ZBTB20: variants seen among roughly 807,000 people sequenced by gnomAD.
The protein encoded by ZBTB20 is zinc finger and BTB domain containing 20.
In ZBTB20, 9 loss-of-function variants were observed where a neutral mutation model predicts 56.9. That is an observed-to-expected ratio of 0.16 (90% CI 0.10 to 0.28). ZBTB20 has a LOEUF of 0.28. ZBTB20 is among the 10% of genes least tolerant of loss of function. The pLI is 1.00. For missense variants in ZBTB20, 655 were observed against 1,003.0 expected, an observed-to-expected ratio of 0.65 and a Z score of 4.69; for synonymous variants, 417 against 420.7, an observed-to-expected ratio of 0.99 and a Z score of 0.11.
At chr3:114,561,704 T>C (rs1004028024) in intron 6 of ZBTB20, among the ~76,000 whole-genome samples, 12 of 152,024 alleles carry the variant, frequency 7.9e-5, no homozygotes, top group African/African-American at 1.9e-4. Flanking sequence ...GCAGGGTAGA[T>C]TTAACATAAT....
chr3:114,975,871 C>A (rs902113566), intron 2 of ZBTB20, among the ~76,000 whole-genome samples: 1 of 152,148 alleles, frequency 6.6e-6, no homozygotes, highest in African/African-American at 2.4e-5. Flanking sequence ...AACATAAGGG[C>A]AGGCACTTTC....
At chr3:114,771,364 A>G (rs906636900) in intron 5 of ZBTB20, among the ~76,000 whole-genome samples, 1 of 152,200 alleles carries the variant, frequency 6.6e-6, no homozygotes, top group Non-Finnish European at 1.5e-5. Flanking sequence ...AAATAACTAA[A>G]AACTGACTTA....
intron 2 of ZBTB20, among the ~76,000 whole-genome samples, chr3:115,031,381 G>A (rs1169361928): frequency 6.6e-6 from 1 of 151,412 alleles, no homozygotes; most frequent in Non-Finnish European, 1.5e-5. Flanking sequence ...AACTTATGAT[G>A]TTTTTTATTA....
At position 114,488,883 on chromosome 3, in the gene ZBTB20, A is replaced by G. The variant is rs116091983; in HGVS notation, c.-255+11469T>C. Among the ~76,000 whole-genome samples the G allele has an allele frequency of 4.8e-3, 726 of 152,342 alleles. 7 individuals carry two copies. The highest frequency in any genetic ancestry group is 0.016 in the African/African-American group (685 of 41,596). ...TACTGAAGTGCAACGTTGTTGTCAA[A>G]AGATAATGTAGATCTATATTTATTA... is the stretch of plus-strand genomic sequence containing the variant. On this transcript the variant is annotated intron_variant, in intron 7 of 11. Coordinates refer to ENST00000675478, the MANE Select transcript of ZBTB20 (RefSeq NM_001348800.3).
At chr3:114,432,043 C>T (rs1199914287) in intron 7 of ZBTB20, among the ~76,000 whole-genome samples, 2 of 151,906 alleles carry the variant, frequency 1.3e-5, no homozygotes, top group Non-Finnish European at 1.5e-5. Flanking sequence ...CTTATACAGA[C>T]AGCAGAGAGA....
At chr3:114,924,069 ATGTGG>A (rs1282087725) in intron 3 of ZBTB20, among the ~76,000 whole-genome samples, 6 of 152,186 alleles carry the variant, frequency 3.9e-5, no homozygotes, top group Non-Finnish European at 8.8e-5. Flanking sequence ...ATCTGCAAGA[ATGTGG>A]AGAAACGAAA....
chr3:115,087,897 G>A (rs2108563126), intron 1 of ZBTB20, among the ~76,000 whole-genome samples: 1 of 152,030 alleles, frequency 6.6e-6, no homozygotes, highest in African/African-American at 2.4e-5. Flanking sequence ...AGTTAAACAT[G>A]CCCAGTGGGC....
chr3:114,515,907 C>T (rs1363667971), intron 6 of ZBTB20, among the ~76,000 whole-genome samples: 1 of 151,728 alleles, frequency 6.6e-6, no homozygotes, highest in East Asian at 1.9e-4. Flanking sequence ...CAGACTTTAT[C>T]TTTCCCTCTT....
chr3:115,120,692 G>A (rs1327852373), intron 1 of ZBTB20, among the ~76,000 whole-genome samples: 3 of 152,042 alleles, frequency 2.0e-5, no homozygotes, highest in African/African-American at 7.2e-5. Context: ...TGTAAAAAGT[G>A]AAATAATTGT....
At chr3:114,929,024 A>T (rs1010379888) in intron 3 of ZBTB20, among the ~76,000 whole-genome samples, 2 of 152,236 alleles carry the variant, frequency 1.3e-5, no homozygotes, top group African/African-American at 2.4e-5. Context: ...TGCTTTAGTG[A>T]GTTTATAATA....
intron 3 of ZBTB20, among the ~76,000 whole-genome samples, chr3:114,906,196 G>A (rs1234479299): frequency 6.6e-6 from 1 of 151,788 alleles, no homozygotes; most frequent in East Asian, 1.9e-4. Context: ...ACAAACATGA[G>A]TTCAAAAATA....
In ZBTB20 at chr3:114,427,969, A is replaced by C. The variant is rs76597331; in HGVS notation, c.-254-38864T>G. 6.0e-3 allele frequency among the ~76,000 whole-genome samples: 914 copies of C among 152,320 alleles called. 8 individuals are homozygous for C. Among genetic ancestry groups the C allele is most frequent in the African/African-American group, 0.02 (844 of 41,578 alleles). On this transcript the variant is annotated intron_variant, in intron 7 of 11. Transcript: ENST00000675478. ...AAAGAGCTGAAAGGAAGAAGTGCCC[A>C]CAGCCATAAAGTCACGGGGACTGGG... is the stretch of plus-strand genomic sequence containing the variant.
chr3:114,528,727 GCTC>G (rs1340499238), intron 6 of ZBTB20: 1 of 152,116 alleles, frequency 6.6e-6, no homozygotes, highest in Admixed American at 6.6e-5. Flanking sequence ...ACCTCCCCAG[GCTC>G]CTCACTTCTG....
intron 7 of ZBTB20, among the ~76,000 whole-genome samples, chr3:114,498,305 A>G (rs1026467153): frequency 2.6e-5 from 4 of 152,294 alleles, no homozygotes; most frequent in South Asian, 2.1e-4. Flanking sequence ...ATCCAGGTCA[A>G]ATACAGATTG....
intron 2 of ZBTB20, among the ~76,000 whole-genome samples, chr3:115,044,877 GC>G (rs746869354): frequency 5.3e-5 from 8 of 152,172 alleles, no homozygotes; most frequent in Non-Finnish European, 1.0e-4. Flanking sequence ...ACAATGACTG[GC>G]TCACAGTATG....
chr3:114,932,610 T>C (rs1177927183), intron 3 of ZBTB20, among the ~76,000 whole-genome samples: 2 of 152,232 alleles, frequency 1.3e-5, no homozygotes, highest in African/African-American at 4.8e-5. Context: ...TTCAGTTCAC[T>C]TCTTGGTTTT....
At chr3:114,700,850 A>T (rs1481782281) in intron 5 of ZBTB20, among the ~76,000 whole-genome samples, 2 of 152,118 alleles carry the variant, frequency 1.3e-5, no homozygotes, top group African/African-American at 4.8e-5. Flanking sequence ...TCCATTATAA[A>T]CCTTATGCTT....
In ZBTB20 at chr3:114,886,134, G is replaced by A. The variant is rs546637871; in HGVS notation, c.-417+14170C>T. On this transcript the variant is annotated intron_variant, in intron 4 of 11. Coordinates refer to ENST00000675478, the MANE Select transcript of ZBTB20 (RefSeq NM_001348800.3). ...CTTACTTAAAAGGGGAAAACACAAA[G>A]ATTTCCTGCAGTTTGAGAATCAACT... 2.2e-4 allele frequency among the ~76,000 whole-genome samples: 33 copies of A among 152,320 alleles called. 2 individuals are homozygous for A. The South Asian group carries it at 6.8e-3, about 32-fold the overall frequency.
chr3:114,773,063 A>G (rs1402906494), intron 5 of ZBTB20, among the ~76,000 whole-genome samples: 1 of 152,222 alleles, frequency 6.6e-6, no homozygotes, highest in Non-Finnish European at 1.5e-5. Context: ...CACACATGCA[A>G]GGATCTAAAG....
Sources: gnomAD v4.1 joint callset for allele counts (sites outside exome capture counted in the v4.1 genomes callset) on GRCh38, gnomAD v4.1.1 for gene constraint, MANE v1.5 for transcripts, NCBI Gene and HGNC (gene_info 2026-07-23, HGNC 2026-07-21) for gene names.